Variants in CMSS1 observed in about 807,000 individuals in gnomAD.
CMSS1 encodes cms1 ribosomal small subunit homolog.
CMSS1 carries 33 observed loss-of-function variants against 43.5 expected under a neutral mutation model. The observed-to-expected ratio is 0.76, with a 90% CI of 0.57 to 1.01. CMSS1 has a LOEUF of 1.01. CMSS1 is among the 50% of genes least tolerant of loss of function. The pLI is 0.00. For missense variants in CMSS1, 313 were observed against 326.4 expected (o/e 0.96, Z 0.32); for synonymous variants, 115 against 117.2 (o/e 0.98, Z 0.12).
intron 1 of CMSS1, among the ~76,000 whole-genome samples, chr3:99,928,501 G>A (rs775596413): frequency 1.1e-4 from 16 of 152,154 alleles, no homozygotes; most frequent in Non-Finnish European, 1.5e-4. Flanking sequence ...CAGATTATGG[G>A]TAACTTTCAG....
intron 1 of CMSS1, chr3:99,850,302 C>G: frequency 3.7e-6 from 6 of 1,613,818 alleles, no homozygotes; most frequent in African/African-American, 1.3e-5. Flanking sequence ...GTTCTTGAGA[C>G]AACTGCTTTG....
intron 1 of CMSS1, among the ~76,000 whole-genome samples, chr3:99,973,790 T>TA (rs1356605999): frequency 1.3e-5 from 2 of 152,220 alleles, no homozygotes; most frequent in African/African-American, 4.8e-5. Context: ...GGGATGCAGG[T>TA]ATCATGTTAG....
intron 1 of CMSS1, among the ~76,000 whole-genome samples, chr3:99,828,614 C>CTT (rs34266466): frequency 1.1e-4 from 14 of 133,026 alleles, no homozygotes; most frequent in Non-Finnish European, 1.6e-4. Context: ...CCACACCTGG[C>CTT]TTTTTTTTTT....
intron 1 of CMSS1, among the ~76,000 whole-genome samples, chr3:99,837,361 C>T (rs1190826633): frequency 1.3e-5 from 2 of 150,142 alleles, no homozygotes; most frequent in Non-Finnish European, 3.0e-5. Context: ...ATCTCAGGCA[C>T]AGTGAATTCA....
intron 1 of CMSS1, chr3:99,876,284 C>T: frequency 2.2e-6 from 2 of 903,804 alleles, no homozygotes; most frequent in East Asian, 1.2e-4. Context: ...CCGCGGGACC[C>T]TCGGCCGCGG....
At chr3:99,895,615 C>G (rs749293103) in intron 1 of CMSS1, among the ~76,000 whole-genome samples, 1 of 152,014 alleles carries the variant, frequency 6.6e-6, no homozygotes, top group Non-Finnish European at 1.5e-5. Context: ...GATTGGTTTT[C>G]GTATACCAAA....
At chr3:99,994,777 G>T (rs1364014785) in intron 1 of CMSS1, among the ~76,000 whole-genome samples, 1 of 152,168 alleles carries the variant, frequency 6.6e-6, no homozygotes, top group Admixed American at 6.5e-5. Flanking sequence ...GGTGGCAAGA[G>T]AAAATGAGGA....
At chr3:99,887,075 C>T (rs553296866) in intron 1 of CMSS1, among the ~76,000 whole-genome samples, 160 of 151,574 alleles carry the variant, frequency 1.1e-3, no homozygotes, top group Non-Finnish European at 2.0e-3. Context: ...AGTTTGAGAC[C>T]AGCCTGACCA....
At chr3:99,983,107 G>A (rs1024353729) in intron 1 of CMSS1, among the ~76,000 whole-genome samples, 3 of 151,844 alleles carry the variant, frequency 2.0e-5, no homozygotes, top group African/African-American at 7.3e-5. Flanking sequence ...CTTTCAGATG[G>A]TGCAGTCTTT....
intron 2 of CMSS1, among the ~76,000 whole-genome samples, chr3:100,155,172 C>A (rs1055264327): frequency 6.6e-6 from 1 of 152,140 alleles, no homozygotes; most frequent in African/African-American, 2.4e-5. Flanking sequence ...ATCTATTATA[C>A]TTCCTATTTC....
At chr3:100,159,812 T>C (rs973408762) in intron 2 of CMSS1, 2 of 434,782 alleles carry the variant, frequency 4.6e-6, no homozygotes, top group Non-Finnish European at 9.3e-6. Context: ...CAAAACAGAT[T>C]ACTCTAGATA....
chr3:99,973,715 C>G (rs1330579060), intron 1 of CMSS1, among the ~76,000 whole-genome samples: 1 of 152,138 alleles, frequency 6.6e-6, no homozygotes, highest in African/African-American at 2.4e-5. Flanking sequence ...GATCTGCACT[C>G]AAAAACCTAT....
At chr3:99,829,063 CTTAG>C (rs1370201720) in intron 1 of CMSS1, among the ~76,000 whole-genome samples, 3 of 152,066 alleles carry the variant, frequency 2.0e-5, no homozygotes, top group Admixed American at 1.3e-4. Context: ...ATGAGGTGGA[CTTAG>C]TTAGATAAGT....
At chr3:99,989,085 G>T (rs533484698) in intron 1 of CMSS1, among the ~76,000 whole-genome samples, 3 of 152,132 alleles carry the variant, frequency 2.0e-5, no homozygotes, top group Admixed American at 2.0e-4. Context: ...TTTGTTTTGT[G>T]ATTCACTCAC....
At position 99,832,231 on chromosome 3, in the gene CMSS1, C is replaced by CTT. The variant is rs577849748; in HGVS notation, c.64+14204_64+14205dup. On this transcript the variant is annotated intron_variant, in intron 1 of 9. Coordinates refer to ENST00000421999, the MANE Select transcript of CMSS1 (RefSeq NM_032359.4). ...ACAACCCCAATTGTCATTCCTAAATCTTTTTTTTTTTTTTTTTGAGACGGA... is the reference window on the plus strand; with the variant it reads ...ACAACCCCAATTGTCATTCCTAAATCTTTTTTTTTTTTTTTTTTTGAGACGGA... Among the ~76,000 whole-genome samples the CTT allele has an allele frequency of 4.1e-3, 565 of 138,142 alleles. 9 individuals are homozygous for CTT. The highest frequency in any genetic ancestry group is 0.014 in the African/African-American group (538 of 37,464). The allele number at this position is 138,142 out of a possible 152,430, so 90.6% of individuals were successfully genotyped here.
intron 1 of CMSS1, among the ~76,000 whole-genome samples, chr3:99,939,697 T>G (rs1319710806): frequency 1.3e-5 from 2 of 152,328 alleles, no homozygotes; most frequent in East Asian, 1.9e-4. Context: ...TAATGAAAAC[T>G]TCTTCCAGTT....
chr3:99,875,763 A>G (rs1255004623), intron 1 of CMSS1, among the ~76,000 whole-genome samples: 1 of 152,154 alleles, frequency 6.6e-6, no homozygotes, highest in Non-Finnish European at 1.5e-5. Flanking sequence ...CCTTTCCCCA[A>G]AGATTTCTCA....
At chr3:100,037,939 CTTT>C (rs150366639) in intron 1 of CMSS1, among the ~76,000 whole-genome samples, 3 of 118,182 alleles carry the variant, frequency 2.5e-5, no homozygotes, top group Admixed American at 9.5e-5. Context: ...AATCGCTTTT[CTTT>C]TTTTTTTTTT....
chr3:99,893,323 G>A (rs1390929661), intron 1 of CMSS1, among the ~76,000 whole-genome samples: 3 of 151,766 alleles, frequency 2.0e-5, no homozygotes, highest in Non-Finnish European at 4.4e-5. Flanking sequence ...CTGCCACCAC[G>A]CCCGGCTAAT....
Sources: gnomAD v4.1 joint callset for allele counts (sites outside exome capture counted in the v4.1 genomes callset) on GRCh38, gnomAD v4.1.1 for gene constraint, MANE v1.5 for transcripts, NCBI Gene and HGNC (gene_info 2026-07-23, HGNC 2026-07-21) for gene names.